The following DIP2C variants were observed in gnomAD, a reference collection of about 807,000 sequenced individuals.
DIP2C encodes DIP2 acetate--CoA ligase C (putative), also known as disco-interacting protein 2 homolog C.
Under a neutral mutation model 192.4 loss-of-function variants are expected in DIP2C, and 33 were observed. The observed-to-expected ratio is 0.17, with a 90% CI of 0.13 to 0.23. DIP2C has a LOEUF of 0.23. DIP2C is among the 10% of genes least tolerant of loss of function. The pLI is 1.00. For missense variants in DIP2C, 1,537 were observed against 2,110.1 expected (o/e 0.73, Z 5.32); for synonymous variants, 979 against 864.1 (o/e 1.13, Z -2.33).
intron 4 of DIP2C, chr10:438,040 C>A (rs1967412496): frequency 6.6e-6 from 1 of 152,252 alleles, no homozygotes; most frequent in Non-Finnish European, 1.5e-5. Context: ...TTGTACAAAA[C>A]TACCCCATGT....
chr10:423,759 G>C (rs1272629403), intron 4 of DIP2C, among the ~76,000 whole-genome samples: 1 of 152,060 alleles, frequency 6.6e-6, no homozygotes, highest in Non-Finnish European at 1.5e-5. Flanking sequence ...GTTCCTTAAG[G>C]ATCAAGACAC....
chr10:624,619 G>T (rs964230033), intron 1 of DIP2C, among the ~76,000 whole-genome samples: 6 of 152,208 alleles, frequency 3.9e-5, no homozygotes, highest in Non-Finnish European at 7.3e-5. Context: ...AGTCTCTCCA[G>T]GGCGGGCTCC....
Position 603,298 on chromosome 10 carries a change from C to CAAAAAAAAAAAAAAAAAA in DIP2C, c.85+86178_85+86195dup, listed in dbSNP as rs71376842. Among the ~76,000 whole-genome samples, 5 of 45,882 alleles carry CAAAAAAAAAAAAAAAAAA rather than the reference C, an allele frequency of 1.1e-4. 1 individual carries two copies. Among genetic ancestry groups the CAAAAAAAAAAAAAAAAAA allele is most frequent in the African/African-American group, 4.9e-4 (4 of 8,142 alleles). The allele number at this position is 45,882 out of a possible 152,430, so 30.1% of individuals were successfully genotyped here. ...TGGGTGACAGAATGAGACTCCATCT[C>CAAAAAAAAAAAAAAAAAA]AAAAAAAAAAAAAAAAAAAAAAAAA... is the stretch of plus-strand genomic sequence containing the variant. On this transcript the variant is annotated intron_variant, in intron 1 of 36. Transcript: ENST00000280886.
intron 29 of DIP2C, among the ~76,000 whole-genome samples, chr10:335,108 A>T (rs1033794169): frequency 6.6e-6 from 1 of 152,230 alleles, no homozygotes; most frequent in Non-Finnish European, 1.5e-5. Flanking sequence ...AAACAGGTGT[A>T]ATCTTAAAAA....
At chr10:500,991 G>A (rs1325975585) in intron 1 of DIP2C, among the ~76,000 whole-genome samples, 2 of 152,172 alleles carry the variant, frequency 1.3e-5, no homozygotes, top group Non-Finnish European at 2.9e-5. Flanking sequence ...AGCGGAGGGG[G>A]CAAATGACCT....
At chr10:588,767 C>CA (rs1261637129) in intron 1 of DIP2C, among the ~76,000 whole-genome samples, 1 of 152,190 alleles carries the variant, frequency 6.6e-6, no homozygotes, top group East Asian at 1.9e-4. Flanking sequence ...CCCAGCCTGC[C>CA]AGGCTGGTAC....
chr10:604,775 G>A (rs1188224125), intron 1 of DIP2C, among the ~76,000 whole-genome samples: 1 of 152,168 alleles, frequency 6.6e-6, no homozygotes, highest in Non-Finnish European at 1.5e-5. Flanking sequence ...TTTAATTTAG[G>A]GGGTTTGCCT....
At chr10:488,299 G>A (rs1844166268) in intron 1 of DIP2C, among the ~76,000 whole-genome samples, 1 of 152,238 alleles carries the variant, frequency 6.6e-6, no homozygotes, top group African/African-American at 2.4e-5. Flanking sequence ...TGTGCTCACG[G>A]CCTGCTCCTT....
At chr10:382,115 T>G (rs1962423653) in intron 17 of DIP2C, among the ~76,000 whole-genome samples, 1 of 152,202 alleles carries the variant, frequency 6.6e-6, no homozygotes, top group South Asian at 2.1e-4. Flanking sequence ...GTGCATGACA[T>G]GAGATTGTCA....
chr10:505,341 G>C (rs74115025), intron 1 of DIP2C, among the ~76,000 whole-genome samples: 1,734 of 152,360 alleles, frequency 0.011, 28 homozygotes, highest in African/African-American at 0.039. Flanking sequence ...GGAAACAGGA[G>C]AAAGCAAAAC....
intron 1 of DIP2C, among the ~76,000 whole-genome samples, chr10:671,946 C>G (rs1830666725): frequency 6.9e-6 from 1 of 145,940 alleles, no homozygotes; most frequent in Non-Finnish European, 1.5e-5. Context: ...GCCACAGACA[C>G]ACGGAAGGAG....
chr10:385,021 A>T (rs1185793522), intron 14 of DIP2C, among the ~76,000 whole-genome samples: 3 of 149,738 alleles, frequency 2.0e-5, no homozygotes, highest in Admixed American at 6.7e-5. Flanking sequence ...GGTCTCAGAG[A>T]GTGCCACGGA....
Position 651,407 on chromosome 10 carries a change from C to G in DIP2C, c.85+38087G>C, listed in dbSNP as rs571546737. On this transcript the variant is annotated intron_variant, in intron 1 of 36. Transcript: ENST00000280886. The surrounding 1 kb of genome is among the most constrained non-coding windows in gnomAD (Gnocchi z 4.1). ...CAGCAAACTGTGGAACAACCAAACT[C>G]GTGACTGAATGAACAAGTATGTTAA... 2.9e-6 allele frequency: 2 copies of G among 698,564 alleles called. No homozygotes were observed. The highest frequency in any genetic ancestry group is 2.7e-5 in the East Asian group (1 of 37,172). The allele number at this position is 698,564 out of a possible 1,614,324, so 43.3% of individuals were successfully genotyped here.
intron 30 of DIP2C, 26 bp downstream of exon 30, chr10:329,407 A>G: frequency 6.2e-7 from 1 of 1,602,036 alleles, no homozygotes; most frequent in South Asian, 1.1e-5. Flanking sequence ...CTCACAGGGC[A>G]CTGAGCTGCC....
intron 36 of DIP2C, among the ~76,000 whole-genome samples, chr10:279,900 G>A (rs1003959464): frequency 6.6e-6 from 1 of 152,202 alleles, no homozygotes; most frequent in African/African-American, 2.4e-5. Context: ...CCTTTTAGCG[G>A]GAAACCAGAC....
chr10:352,323 G>A (rs1958857560), intron 24 of DIP2C, among the ~76,000 whole-genome samples: 1 of 152,250 alleles, frequency 6.6e-6, no homozygotes, highest in South Asian at 2.1e-4. Context: ...TACTTGCAAA[G>A]CATGAGTGTA....
intron 2 of DIP2C, among the ~76,000 whole-genome samples, chr10:481,523 G>GA (rs1295795987): frequency 6.6e-6 from 1 of 152,190 alleles, no homozygotes; most frequent in Non-Finnish European, 1.5e-5. Context: ...GCCAAGTTCT[G>GA]AAAAGATAAT....
At chr10:405,696 G>A (rs1185827151) in intron 9 of DIP2C, among the ~76,000 whole-genome samples, 1 of 152,156 alleles carries the variant, frequency 6.6e-6, no homozygotes, top group Non-Finnish European at 1.5e-5. Context: ...AATCCTCTGT[G>A]TACTTCTTTG....
In DIP2C at chr10:666,387, C is replaced by T. The variant is rs1275131118; in HGVS notation, c.85+23107G>A. 2.0e-5 allele frequency: 3 copies of T among 152,374 alleles called. No individual in the cohort carries two copies. Among genetic ancestry groups the T allele is most frequent in the Admixed American group, 1.3e-4 (2 of 15,310 alleles). 9.4% of individuals were successfully genotyped at this position (152,374 alleles called of 1,614,324 possible). A position where few individuals can be genotyped will look rare whatever the true frequency, so the allele number is the denominator to read the frequency against. On this transcript the variant is annotated intron_variant, in intron 1 of 36. Coordinates refer to ENST00000280886, the MANE Select transcript of DIP2C (RefSeq NM_014974.3). This position sits in a 1 kb window ranked among gnomAD's most constrained non-coding sequence, Gnocchi z 4.1. ...CCGCCTCCCTCCCTCACCGCCCTCC[C>T]GCACTGATGTGAACACGGGAGTAAC...
Sources: gnomAD v4.1 joint callset for allele counts (sites outside exome capture counted in the v4.1 genomes callset) on GRCh38, gnomAD v4.1.1 for gene constraint, Gnocchi (gnomAD v3.1) non-coding constraint, MANE v1.5 for transcripts, NCBI Gene and HGNC (gene_info 2026-07-23, HGNC 2026-07-21) for gene names.